Variants in DAB1 observed in about 807,000 individuals in gnomAD.
The protein encoded by DAB1 is disabled homolog 1.
In DAB1, 15 loss-of-function variants were observed where a neutral mutation model predicts 64.6. The ratio of observed to expected loss-of-function variants is 0.23; its 90% CI spans 0.16 to 0.36. DAB1 has a LOEUF of 0.36. Ranked by LOEUF, DAB1 falls within the 10% of genes least tolerant of loss-of-function variation. DAB1 has a pLI of 1.00. For synonymous variants in DAB1, 235 were observed against 251.9 expected (o/e 0.93, Z 0.64); for missense variants, 596 against 706.7 (o/e 0.84, Z 1.78).
chr1:57,071,035 A>G lies in DAB1; in HGVS notation c.585T>C (p.Asp195=). The G allele has an allele frequency of 1.2e-6, 2 of 1,613,112 alleles. No homozygotes were observed. The highest frequency in any genetic ancestry group is 8.5e-7 in the Non-Finnish European group (1 of 1,179,136). ...YQTILEEDVE[D]PVYQYIVFEA... is the part of the protein sequence containing the mutation. ...TTTCAGAAATTACCTGGTACACAGG[A>G]TCTTCAACATCCTCTTCCAATATTG... is the stretch of plus-strand genomic sequence containing the variant. Residue 195 remains aspartate (D), a synonymous_variant, in exon 7 of 15, where the codon GAT becomes GAC. Coordinates refer to ENST00000371236, the MANE Select transcript of DAB1 (RefSeq NM_001365792.1).
At chr1:57,983,721 T>C (rs910787822) in intron 5 of DAB1, among the ~76,000 whole-genome samples, 2 of 152,130 alleles carry the variant, frequency 1.3e-5, no homozygotes, top group Non-Finnish European at 2.9e-5. Context: ...GACTTGAAAA[T>C]AGAATGTCTT....
chr1:57,365,286 T>C (rs1679895679), intron 1 of DAB1, among the ~76,000 whole-genome samples: 1 of 141,938 alleles, frequency 7.0e-6, no homozygotes, highest in Non-Finnish European at 1.5e-5. Context: ...TATATATTTA[T>C]ATATTATATA....
At chr1:58,130,216 CTTCT>C (rs1203748244) in intron 5 of DAB1, among the ~76,000 whole-genome samples, 6 of 146,556 alleles carry the variant, frequency 4.1e-5, no homozygotes, top group African/African-American at 1.0e-4. Context: ...ATGTAATGGC[CTTCT>C]TTGTCTCTTT....
chr1:57,095,108 C>T (rs191924737), intron 4 of DAB1, among the ~76,000 whole-genome samples: 6 of 152,290 alleles, frequency 3.9e-5, no homozygotes, highest in African/African-American at 7.2e-5. Flanking sequence ...TGGGTTGACT[C>T]GTTTACCTTT....
chr1:57,520,587 G>GA (rs1294207415), intron 7 of DAB1, among the ~76,000 whole-genome samples: 3 of 152,022 alleles, frequency 2.0e-5, no homozygotes, highest in South Asian at 4.2e-4. Context: ...AATCTTATTT[G>GA]AAAAAAATGT....
chr1:58,187,624 G>A (rs1428521476), intron 4 of DAB1, among the ~76,000 whole-genome samples: 1 of 150,578 alleles, frequency 6.6e-6, no homozygotes, highest in East Asian at 1.9e-4. Context: ...TTGTCACCCA[G>A]GCTGGAGTGC....
chr1:57,516,132 G>A (rs1159589863), intron 7 of DAB1, among the ~76,000 whole-genome samples: 1 of 152,180 alleles, frequency 6.6e-6, no homozygotes, highest in Admixed American at 6.5e-5. Context: ...TGGAGTGGGG[G>A]CACATAGAAG....
intron 6 of DAB1, among the ~76,000 whole-genome samples, chr1:57,795,688 G>GAGATAT (rs1163558133): frequency 3.3e-4 from 14 of 42,990 alleles, no homozygotes; most frequent in South Asian, 9.4e-4. Context: ...ATTATGCTTG[G>GAGATAT]AGATATATAT....
At chr1:57,755,905 G>T (rs914042715) in intron 6 of DAB1, among the ~76,000 whole-genome samples, 1 of 152,120 alleles carries the variant, frequency 6.6e-6, no homozygotes, top group Non-Finnish European at 1.5e-5. Flanking sequence ...GATTGCATAG[G>T]CCTTACTTAA....
intron 1 of DAB1, among the ~76,000 whole-genome samples, chr1:57,322,989 G>T (rs1675845426): frequency 6.6e-6 from 1 of 151,748 alleles, no homozygotes; most frequent in African/African-American, 2.4e-5. Context: ...GTTTATGAAT[G>T]ACTAGTGATC....
chr1:57,841,199 C>T (rs1307727492), intron 1 of DAB1, among the ~76,000 whole-genome samples: 1 of 152,246 alleles, frequency 6.6e-6, no homozygotes, highest in Non-Finnish European at 1.5e-5. Flanking sequence ...CCATGTCTCA[C>T]ATCCAAGACA....
At chr1:57,738,572 A>G (rs1018937990) in intron 6 of DAB1, among the ~76,000 whole-genome samples, 1 of 152,044 alleles carries the variant, frequency 6.6e-6, no homozygotes, top group Non-Finnish European at 1.5e-5. Flanking sequence ...TAAGTCTATC[A>G]GTCCAAACAG....
chr1:58,313,125 A>T (rs1254240375), intron 4 of DAB1, among the ~76,000 whole-genome samples: 1 of 152,024 alleles, frequency 6.6e-6, no homozygotes, highest in Non-Finnish European at 1.5e-5. Flanking sequence ...TGTCTCTTTA[A>T]ATTAGGCTGA....
At chr1:57,360,232 A>C (rs1350035661) in intron 1 of DAB1, among the ~76,000 whole-genome samples, 1 of 151,954 alleles carries the variant, frequency 6.6e-6, no homozygotes, top group Non-Finnish European at 1.5e-5. Flanking sequence ...CTAATTAATT[A>C]ATTAAAATTT....
At chr1:57,197,946 A>AC (rs1340907334) in intron 2 of DAB1, among the ~76,000 whole-genome samples, 10 of 72,266 alleles carry the variant, frequency 1.4e-4, no homozygotes, top group Non-Finnish European at 6.9e-5. Flanking sequence ...TAGTGTTAGT[A>AC]AAAATGAAAT....
intron 3 of DAB1, among the ~76,000 whole-genome samples, chr1:58,428,721 AAG>A (rs1264883782): frequency 2.4e-4 from 37 of 152,362 alleles, no homozygotes; most frequent in African/African-American, 8.9e-4. Flanking sequence ...CTCTATTGGA[AAG>A]AGAGGAAAGT....
At chr1:58,105,184 G>C (rs1557651931) in intron 5 of DAB1, among the ~76,000 whole-genome samples, 1 of 152,304 alleles carries the variant, frequency 6.6e-6, no homozygotes, top group African/African-American at 2.4e-5. Flanking sequence ...AGAGTCTAAA[G>C]GTCACAGAAC....
At chr1:57,053,408 C>G (rs543104592) in intron 9 of DAB1, among the ~76,000 whole-genome samples, 1 of 151,668 alleles carries the variant, frequency 6.6e-6, no homozygotes, top group South Asian at 2.1e-4. Context: ...TTACCATGCC[C>G]GGCTAATTGT....
chr1:57,069,368 T>C lies in DAB1; in HGVS notation c.655A>G (p.Ile219Val). 6.2e-7 allele frequency: 1 copy of C among 1,613,300 alleles called. No homozygotes were observed. Among genetic ancestry groups the C allele is most frequent in the Non-Finnish European group, 8.5e-7 (1 of 1,179,342 alleles). ...GGCAAGCAATTTTATACCTGATAAA[T>C]GTTTTCTTCCGTTTCGGGATCACGG... ...PIRDPETEEN[I>V]YQVPTSQKKE... The change falls in exon 8 of 15, where the codon ATT (isoleucine) becomes GTT (valine). Residue 219 changes from isoleucine to valine, a missense_variant. Coordinates refer to ENST00000371236, the MANE Select transcript of DAB1 (RefSeq NM_001365792.1).
Sources: allele counts gnomAD v4.1 joint callset (sites outside exome capture counted in the v4.1 genomes callset), GRCh38; gene constraint gnomAD v4.1.1; transcripts MANE v1.5; gene names NCBI Gene and HGNC (gene_info 2026-07-23, HGNC 2026-07-21).